The following NUP93 variants were observed in gnomAD, a reference collection of about 807,000 sequenced individuals.
NUP93 encodes the protein nucleoporin 93, also known as nuclear pore complex protein Nup93.
NUP93 carries 55 observed loss-of-function variants against 107.8 expected under a neutral mutation model. The observed-to-expected ratio is 0.51, with a 90% CI of 0.41 to 0.64. The LOEUF is 0.64. Among genes scored for constraint, NUP93 ranks in the 30% least tolerant of loss-of-function variants. The probability of loss-of-function intolerance (pLI) is 0.00; values close to 1 mark genes in which losing one functional copy is unlikely to be tolerated. For missense variants in NUP93, 937 were observed against 1,044.7 expected (o/e 0.90, Z 1.42); for synonymous variants, 390 against 397.5 (o/e 0.98, Z 0.22).
intron 1 of NUP93, among the ~76,000 whole-genome samples, chr16:56,734,256 G>T (rs1961576881): frequency 6.6e-6 from 1 of 152,210 alleles, no homozygotes; most frequent in Non-Finnish European, 1.5e-5. Context: ...TTTGAGCAGA[G>T]ATTTGAAGGA....
rs370324781 is a variant in NUP93, at chr16:56,748,261, G to A, written c.14G>A (p.Gly5Glu). Residue 5 changes from glycine (G) to glutamate (E), a missense_variant, in exon 2 of 22, where the codon GGG (glycine) becomes GAG (glutamate). Coordinates refer to ENST00000308159, the MANE Select transcript of NUP93 (RefSeq NM_014669.5). MDTE[G>E]FGELLQQAEQ... Reference sequence around the variant, plus strand: ...TCTGCATCTCCAATGGATACTGAGGGGTTTGGTGAGCTCCTTCAGCAAGCT... The same window carrying A: ...TCTGCATCTCCAATGGATACTGAGGAGTTTGGTGAGCTCCTTCAGCAAGCT... 3 of 1,611,750 alleles carry A rather than the reference G, an allele frequency of 1.9e-6. No individual in the cohort carries two copies. The African/African-American group carries it at 4.0e-5, about 22-fold the overall frequency.
At chr16:56,764,752 C>T (rs1396242710) in intron 3 of NUP93, among the ~76,000 whole-genome samples, 1 of 152,154 alleles carries the variant, frequency 6.6e-6, no homozygotes, top group Non-Finnish European at 1.5e-5. Flanking sequence ...ATGCGAATAG[C>T]TCTTCAGGAA....
intron 13 of NUP93, 144 bp downstream of exon 13, chr16:56,833,550 A>G (rs1309941236): frequency 6.4e-6 from 4 of 625,828 alleles, no homozygotes; most frequent in Non-Finnish European, 7.6e-6. Flanking sequence ...AGCTTTTTAG[A>G]TGATTAGTGT....
intron 5 of NUP93, among the ~76,000 whole-genome samples, chr16:56,809,006 T>C (rs544122027): frequency 5.3e-4 from 81 of 152,154 alleles, no homozygotes; most frequent in African/African-American, 1.9e-3. Context: ...TGAGACTGTA[T>C]GTTCTTATCC....
intron 8 of NUP93, 25 bp downstream of exon 8, chr16:56,823,871 GC>G (rs761076495): frequency 1.2e-6 from 2 of 1,607,510 alleles, no homozygotes; most frequent in Non-Finnish European, 1.7e-6. Flanking sequence ...GCACAGTGGG[GC>G]TGGCTTTCAC....
Position 56,848,253 on chromosome 16 carries a change from G to A in NUP93, c.*3644G>A, listed in dbSNP as rs545776342. 2 of 152,320 alleles carry A rather than the reference G, an allele frequency of 1.3e-5. No individual in the cohort carries two copies. The highest frequency in any genetic ancestry group is 1.3e-4 in the Admixed American group (2 of 15,300). 9.4% of individuals were successfully genotyped at this position (152,320 alleles called of 1,614,324 possible). The stretch of plus-strand genomic sequence containing the variant: ...TGGGCTGGCGGGTTGACCCAGGCCT[G>A]ACAAAGTCTTGGCAGTCCCCACACT... On this transcript the variant is annotated 3_prime_UTR_variant, in exon 22 of 22. Coordinates refer to ENST00000308159, the MANE Select transcript of NUP93 (RefSeq NM_014669.5).
intron 3 of NUP93, among the ~76,000 whole-genome samples, chr16:56,795,177 A>G (rs543368980): frequency 3.3e-5 from 5 of 152,140 alleles, no homozygotes; most frequent in Admixed American, 3.3e-4. Context: ...CGGCAGCCAC[A>G]AAAAGGTGCC....
chr16:56,813,043 A>ACAAT (rs1173128784), intron 5 of NUP93, among the ~76,000 whole-genome samples: 1 of 152,228 alleles, frequency 6.6e-6, no homozygotes, highest in East Asian at 1.9e-4. Context: ...TAGTCTATGA[A>ACAAT]CAATCCCTTA....
At chr16:56,790,346 T>C (rs1200890894) in intron 3 of NUP93, among the ~76,000 whole-genome samples, 5 of 152,194 alleles carry the variant, frequency 3.3e-5, no homozygotes, top group Non-Finnish European at 7.3e-5. Flanking sequence ...TTGAAACTGC[T>C]CAAATTAAAA....
chr16:56,840,093 T>G (rs1413872201), intron 20 of NUP93, among the ~76,000 whole-genome samples: 2 of 152,160 alleles, frequency 1.3e-5, no homozygotes, highest in Non-Finnish European at 2.9e-5. Flanking sequence ...TGATCTTGGC[T>G]CACTGCAAGC....
chr16:56,755,599 G>C (rs1222175770), intron 2 of NUP93, among the ~76,000 whole-genome samples: 2 of 152,126 alleles, frequency 1.3e-5, no homozygotes, highest in African/African-American at 4.8e-5. Context: ...TTGTAGGCCA[G>C]GCATGGTCGC....
chr16:56,841,508 A>G (rs1294210359), intron 20 of NUP93, 197 bp from the exon 21 acceptor site: 1 of 595,646 alleles, frequency 1.7e-6, no homozygotes, highest in Non-Finnish European at 2.9e-6. Context: ...TGACCTGAGC[A>G]GCATTGCTTG....
In NUP93 at chr16:56,766,415, C is replaced by T. The variant is rs577374340; in HGVS notation, c.297+7760C>T. On this transcript the variant is annotated intron_variant, in intron 3 of 21. Coordinates refer to ENST00000308159, the MANE Select transcript of NUP93 (RefSeq NM_014669.5). ...TGCCGATACCAGTGATGCCCCAGCA[C>T]TCTGGTGATGAGAAACATAGATTGA... is the stretch of plus-strand genomic sequence containing the variant. Among the ~76,000 whole-genome samples the T allele has an allele frequency of 7.9e-5, 12 of 152,306 alleles. No homozygotes were observed. In the East Asian group the frequency reaches 2.3e-3, roughly 29 times the overall value.
chr16:56,832,440 C>G (rs1464097360), intron 12 of NUP93, 52 bp downstream of exon 12: 1 of 1,428,306 alleles, frequency 7.0e-7, no homozygotes, highest in African/African-American at 1.4e-5. Flanking sequence ...CTTAAGGTGA[C>G]TACTTCAGTT....
At chr16:56,799,367 C>T (rs142089557) in intron 4 of NUP93, among the ~76,000 whole-genome samples, 1 of 152,348 alleles carries the variant, frequency 6.6e-6, no homozygotes, top group Non-Finnish European at 1.5e-5. Flanking sequence ...TATTCTGCAA[C>T]AAGCAGTCCT....
At chr16:56,806,398 G>A (rs1963140636) in intron 5 of NUP93, among the ~76,000 whole-genome samples, 1 of 151,840 alleles carries the variant, frequency 6.6e-6, no homozygotes, top group South Asian at 2.1e-4. Flanking sequence ...ATTGAACTTG[G>A]CCTCCTAACT....
chr16:56,778,177 A>G (rs1180316422), intron 3 of NUP93, among the ~76,000 whole-genome samples: 6 of 152,182 alleles, frequency 3.9e-5, no homozygotes, highest in African/African-American at 7.2e-5. Flanking sequence ...TTAATAACGA[A>G]TGAATTCTGG....
At chr16:56,825,147 C>G (rs914760413) in intron 8 of NUP93, among the ~76,000 whole-genome samples, 1 of 151,058 alleles carries the variant, frequency 6.6e-6, no homozygotes, top group Non-Finnish European at 1.5e-5. Flanking sequence ...ACGTCTGCCT[C>G]CCAGGCTCAA....
At position 56,821,591 on chromosome 16, in the gene NUP93, A is replaced by G. The variant is rs1162650511; in HGVS notation, c.652A>G (p.Lys218Glu). 1 of 1,607,714 alleles carries G rather than the reference A, an allele frequency of 6.2e-7. No individual in the cohort carries two copies. Among genetic ancestry groups the G allele is most frequent in the Non-Finnish European group, 8.5e-7 (1 of 1,174,588 alleles). Residue 218 changes from lysine (K) to glutamate (E), a missense_variant and splice_region_variant, in exon 7 of 22, where the codon AAG (lysine) becomes GAG (glutamate). Physicochemically the swap from Lys to Glu is moderately conservative, Grantham distance 56 (BLOSUM62 1). Transcript: ENST00000308159. The part of the protein sequence containing the change: ...LCASVAELDD[K>E]SISDMWTMVK... ...TGCTTCCGTCGCAGAGCTCGATGATAAGGTAGCACCTAGAGCTAACTCAAG... is the reference window on the plus strand; with the variant it reads ...TGCTTCCGTCGCAGAGCTCGATGATGAGGTAGCACCTAGAGCTAACTCAAG...
Sources: gnomAD v4.1 joint callset for allele counts (sites outside exome capture counted in the v4.1 genomes callset) on GRCh38, gnomAD v4.1.1 for gene constraint, MANE v1.5 for transcripts, NCBI Gene and HGNC (gene_info 2026-07-23, HGNC 2026-07-21) for gene names.